AUTS2: variants seen among roughly 807,000 people sequenced by gnomAD.
AUTS2 encodes the protein autism susceptibility gene 2 protein.
A neutral mutation model predicts 112.4 loss-of-function variants in AUTS2; 17 were observed. That is an observed-to-expected ratio of 0.15 (90% CI 0.10 to 0.23). The LOEUF (loss-of-function observed/expected upper bound fraction) is 0.23. Among genes scored for constraint, AUTS2 ranks in the 10% least tolerant of loss-of-function variants. The pLI is 1.00. For missense variants in AUTS2, 1,510 were observed against 1,701.6 expected, an observed-to-expected ratio of 0.89 and a Z score of 1.98; for synonymous variants, 751 against 702.7, an observed-to-expected ratio of 1.07 and a Z score of -1.09.
chr7:70,367,151 T>A (rs933540085), intron 4 of AUTS2, among the ~76,000 whole-genome samples: 4 of 152,018 alleles, frequency 2.6e-5, no homozygotes, highest in Non-Finnish European at 2.9e-5. Flanking sequence ...CCGGGTGTGG[T>A]CTACTCAGGG....
chr7:70,302,402 CA>C (rs914230968), intron 4 of AUTS2, among the ~76,000 whole-genome samples: 11 of 127,382 alleles, frequency 8.6e-5, no homozygotes, highest in South Asian at 2.7e-4. Flanking sequence ...GACCTTGTCT[CA>C]AAAAAAAAAC....
intron 1 of AUTS2, among the ~76,000 whole-genome samples, chr7:69,871,191 C>T (rs1793480163): frequency 6.6e-6 from 1 of 152,116 alleles, no homozygotes; most frequent in African/African-American, 2.4e-5. Flanking sequence ...TTGGCTAATA[C>T]AGGGAAGTAA....
intron 2 of AUTS2, among the ~76,000 whole-genome samples, chr7:69,914,411 A>C: frequency 6.7e-6 from 1 of 148,870 alleles, no homozygotes; most frequent in African/African-American, 2.5e-5. Flanking sequence ...TCCAGACCCC[A>C]ATACAGTATG....
intron 1 of AUTS2, among the ~76,000 whole-genome samples, chr7:69,648,244 A>G (rs1246743756): frequency 6.6e-6 from 1 of 152,188 alleles, no homozygotes; most frequent in East Asian, 1.9e-4. Context: ...CAAGACATAT[A>G]TGTATAATGG....
chr7:70,764,179 G>A (rs1212887452), intron 7 of AUTS2, among the ~76,000 whole-genome samples: 1 of 152,144 alleles, frequency 6.6e-6, no homozygotes, highest in African/African-American at 2.4e-5. Flanking sequence ...GGAAAGCACA[G>A]TCTTTGGGGG....
intron 1 of AUTS2, among the ~76,000 whole-genome samples, chr7:69,720,886 G>A (rs181837093): frequency 1.3e-5 from 2 of 152,292 alleles, no homozygotes; most frequent in Admixed American, 1.3e-4. Flanking sequence ...CAGGACAACA[G>A]CGTTTACTAG....
intron 4 of AUTS2, among the ~76,000 whole-genome samples, chr7:70,188,845 C>G (rs1809739326): frequency 6.6e-6 from 1 of 151,326 alleles, no homozygotes; most frequent in South Asian, 2.1e-4. Flanking sequence ...CAGTGGCCTC[C>G]CAAAGTGCTG....
chr7:70,021,132 G>A (rs978506228), intron 2 of AUTS2, among the ~76,000 whole-genome samples: 4 of 151,998 alleles, frequency 2.6e-5, no homozygotes, highest in East Asian at 1.9e-4. Context: ...ACAGGCATGC[G>A]CCACCACACC....
chr7:70,308,729 G>A lies in AUTS2; in HGVS notation c.661-127023G>A, dbSNP rs901889919. ...TAGTTCTCAACTGGTGTACCACACG[G>A]CACAAGTATATCTTTATCCTTTCTC... On this transcript the variant is annotated intron_variant, in intron 4 of 18. Coordinates refer to ENST00000342771, the MANE Select transcript of AUTS2 (RefSeq NM_015570.4). Among the ~76,000 whole-genome samples, 8 of 152,112 alleles carry A rather than the reference G, an allele frequency of 5.3e-5. No individual in the cohort carries two copies. In the South Asian group the frequency reaches 1.5e-3, roughly 28 times the overall value.
chr7:70,416,486 T>C (rs556945579), intron 4 of AUTS2, among the ~76,000 whole-genome samples: 1 of 152,304 alleles, frequency 6.6e-6, no homozygotes, highest in Non-Finnish European at 1.5e-5. Flanking sequence ...CAATGCTCTC[T>C]CTCTCCTCTT....
In AUTS2 at chr7:70,486,803, C is replaced by T. The variant is rs181377878; in HGVS notation, c.690+51022C>T. Among the ~76,000 whole-genome samples, 359 of 149,860 alleles carry T rather than the reference C, an allele frequency of 2.4e-3. 3 individuals are homozygous for T. Among genetic ancestry groups the T allele is most frequent in the Non-Finnish European group, 2.7e-3 (180 of 67,698 alleles). On this transcript the variant is annotated intron_variant, in intron 5 of 18. Transcript: ENST00000342771. ...ATAAATGTTAGTTATTGTTGTCACG[C>T]GTTGGCTGGTAGTCTGTGGTGGTGG... is the stretch of plus-strand genomic sequence containing the variant.
At chr7:69,960,169 GACATTTCAGGTCTAT>G (rs1428929790) in intron 2 of AUTS2, among the ~76,000 whole-genome samples, 1 of 152,128 alleles carries the variant, frequency 6.6e-6, no homozygotes, top group African/African-American at 2.4e-5. Flanking sequence ...TTGGAAACAT[GACATTTCAGGTCTAT>G]TTTCCCTCTT....
intron 1 of AUTS2, among the ~76,000 whole-genome samples, chr7:69,833,786 C>T (rs1791602115): frequency 6.6e-6 from 1 of 152,148 alleles, no homozygotes; most frequent in Non-Finnish European, 1.5e-5. Flanking sequence ...GAAACTTGTC[C>T]TAGAATGTCT....
chr7:70,223,694 A>G (rs1562799111), intron 4 of AUTS2, among the ~76,000 whole-genome samples: 2 of 152,192 alleles, frequency 1.3e-5, no homozygotes, highest in Non-Finnish European at 2.9e-5. Context: ...TTCAGGAAGT[A>G]TTTCAGAAGA....
Position 70,134,580 on chromosome 7 carries a change from A to G in AUTS2, c.660+9A>G, listed in dbSNP as rs1231711045. Reference sequence around the variant, plus strand: ...TGGGAACAGGCTACTTCGTAAGTCTATCTCAACTTCCACATATGTGCCTTG... The same window carrying G: ...TGGGAACAGGCTACTTCGTAAGTCTGTCTCAACTTCCACATATGTGCCTTG... On this transcript the variant is annotated intron_variant, in intron 4 of 18. Coordinates refer to ENST00000342771, the MANE Select transcript of AUTS2 (RefSeq NM_015570.4). The G allele has an allele frequency of 3.1e-6, 5 of 1,613,254 alleles. No homozygotes were observed. Among genetic ancestry groups the G allele is most frequent in the South Asian group, 1.1e-5 (1 of 91,066 alleles).
At chr7:70,194,261 T>C (rs1257003101) in intron 4 of AUTS2, among the ~76,000 whole-genome samples, 1 of 151,870 alleles carries the variant, frequency 6.6e-6, no homozygotes, top group Non-Finnish European at 1.5e-5. Context: ...AATACAAAAA[T>C]TAGCTGGATG....
At chr7:70,108,447 G>T (rs910007197) in intron 2 of AUTS2, among the ~76,000 whole-genome samples, 1 of 151,894 alleles carries the variant, frequency 6.6e-6, no homozygotes, top group African/African-American at 2.4e-5. Context: ...TAAAGATAAC[G>T]GTATAATGAA....
At chr7:69,690,525 G>T (rs776873236) in intron 1 of AUTS2, among the ~76,000 whole-genome samples, 10 of 152,180 alleles carry the variant, frequency 6.6e-5, no homozygotes, top group Non-Finnish European at 1.5e-4. Context: ...CAAGTGCAGG[G>T]TCCGGCCACT....
chr7:70,295,517 G>A (rs1392766856), intron 4 of AUTS2, among the ~76,000 whole-genome samples: 1 of 151,908 alleles, frequency 6.6e-6, no homozygotes, highest in Non-Finnish European at 1.5e-5. Context: ...TTTGGAGTTT[G>A]GATCTCTTAG....
Sources: gnomAD v4.1 joint callset for allele counts (sites outside exome capture counted in the v4.1 genomes callset) on GRCh38, gnomAD v4.1.1 for gene constraint, MANE v1.5 for transcripts, NCBI Gene and HGNC (gene_info 2026-07-23, HGNC 2026-07-21) for gene names.